The following MACROD2 variants were observed in gnomAD, a reference collection of about 807,000 sequenced individuals.
MACROD2 encodes ADP-ribose glycohydrolase MACROD2.
MACROD2 carries 36 observed loss-of-function variants against 70.4 expected under a neutral mutation model. The observed-to-expected ratio is 0.51, with a 90% CI of 0.39 to 0.68. MACROD2 has a LOEUF of 0.68. Among genes scored for constraint, MACROD2 ranks in the 30% least tolerant of loss-of-function variants. The pLI is 0.00. For missense variants in MACROD2, 496 were observed against 538.4 expected (o/e 0.92, Z 0.78); for synonymous variants, 172 against 178.8 (o/e 0.96, Z 0.30).
intron 7 of MACROD2, among the ~76,000 whole-genome samples, chr20:15,470,341 G>A (rs1186363713): frequency 1.2e-4 from 18 of 152,116 alleles, no homozygotes; most frequent in Admixed American, 1.1e-3. Context: ...GAGCCACTGC[G>A]CCCAGCCCTT....
At chr20:14,008,603 A>G (rs567423128) in intron 2 of MACROD2, among the ~76,000 whole-genome samples, 1 of 152,340 alleles carries the variant, frequency 6.6e-6, no homozygotes, top group African/African-American at 2.4e-5. Context: ...TTCTTCACAG[A>G]ATTAGAAAAA....
intron 8 of MACROD2, among the ~76,000 whole-genome samples, chr20:15,714,811 A>G (rs1422849654): frequency 6.6e-6 from 1 of 152,220 alleles, no homozygotes; most frequent in Non-Finnish European, 1.5e-5. Flanking sequence ...ATAAATATGC[A>G]TATATAAACA....
At chr20:15,478,635 C>G (rs1008882942) in intron 7 of MACROD2, among the ~76,000 whole-genome samples, 1 of 152,050 alleles carries the variant, frequency 6.6e-6, no homozygotes. Context: ...TTGACCAGAG[C>G]CCCAAGCACA....
chr20:15,868,102 A>C (rs2064519529), intron 9 of MACROD2, among the ~76,000 whole-genome samples: 3 of 152,218 alleles, frequency 2.0e-5, no homozygotes, highest in Admixed American at 1.3e-4. Context: ...GAGAGGCTCC[A>C]TCTGCTGGTA....
intron 2 of MACROD2, among the ~76,000 whole-genome samples, chr20:14,033,492 T>C (rs1206221566): frequency 6.6e-6 from 1 of 152,170 alleles, no homozygotes; most frequent in African/African-American, 2.4e-5. Flanking sequence ...AGAATATTCA[T>C]AGCATTCTAT....
Position 15,609,243 on chromosome 20 carries a change from C to T in MACROD2, c.645+109396C>T, listed in dbSNP as rs535811645. Among the ~76,000 whole-genome samples the T allele has an allele frequency of 4.6e-5, 7 of 152,194 alleles. No individual in the cohort carries two copies. The South Asian group carries it at 1.5e-3, about 32-fold the overall frequency. ...ACAGAGGGAAGGAAAGAGAGAAAGT[C>T]GATAGGGAAGGTGAGAGAAGGAAGA... is the stretch of plus-strand genomic sequence containing the variant. On this transcript the variant is annotated intron_variant, in intron 8 of 17. Coordinates refer to ENST00000684519, the MANE Select transcript of MACROD2 (RefSeq NM_001351661.2).
At chr20:15,478,286 A>G (rs2047048930) in intron 7 of MACROD2, among the ~76,000 whole-genome samples, 1 of 152,180 alleles carries the variant, frequency 6.6e-6, no homozygotes, top group African/African-American at 2.4e-5. Flanking sequence ...CACTTACTGG[A>G]TAAGGATTAT....
At chr20:16,017,317 C>T (rs968223763) in intron 15 of MACROD2, among the ~76,000 whole-genome samples, 1 of 152,196 alleles carries the variant, frequency 6.6e-6, no homozygotes, top group African/African-American at 2.4e-5. Flanking sequence ...ATATTTTCTG[C>T]TTTGTGGCTT....
chr20:15,423,545 T>C (rs1315487581), intron 6 of MACROD2, among the ~76,000 whole-genome samples: 3 of 151,550 alleles, frequency 2.0e-5, no homozygotes, highest in Admixed American at 1.3e-4. Flanking sequence ...AAGGTCAAGG[T>C]GCCAGCAGGT....
At chr20:14,482,548 A>G (rs1008163080) in intron 3 of MACROD2, among the ~76,000 whole-genome samples, 11 of 151,954 alleles carry the variant, frequency 7.2e-5, no homozygotes, top group Admixed American at 6.5e-4. Context: ...ATTAGGGTGA[A>G]TGCAGAGCCA....
At chr20:14,518,524 T>C (rs2085128642) in intron 4 of MACROD2, among the ~76,000 whole-genome samples, 1 of 152,192 alleles carries the variant, frequency 6.6e-6, no homozygotes, top group Admixed American at 6.5e-5. Context: ...ATAAATAGTC[T>C]TTAAGATGAA....
chr20:14,520,507 G>C lies in MACROD2; in HGVS notation c.301+26999G>C, dbSNP rs528976184. The stretch of plus-strand genomic sequence containing the variant: ...TTTTGTTATTATTTTTTTTTTTTCT[G>C]TTTCTACAGCTTCTTTTCTGGCCTA... On this transcript the variant is annotated intron_variant, in intron 4 of 17. Coordinates refer to ENST00000684519, the MANE Select transcript of MACROD2 (RefSeq NM_001351661.2). 3.5e-4 allele frequency among the ~76,000 whole-genome samples: 48 copies of C among 137,156 alleles called. 1 individual carries two copies. The South Asian group carries it at 3.6e-3, about 10-fold the overall frequency. 90.0% of individuals were successfully genotyped at this position (137,156 alleles called of 152,430 possible). A position where few individuals can be genotyped will look rare whatever the true frequency, so the allele number is the denominator to read the frequency against.
chr20:15,192,173 TCTC>T (rs2076577034), intron 5 of MACROD2, among the ~76,000 whole-genome samples: 1 of 151,922 alleles, frequency 6.6e-6, no homozygotes, highest in Admixed American at 6.6e-5. Context: ...CCCTTTTCCG[TCTC>T]CTCTGTCTTC....
chr20:14,148,961 T>A (rs891746889), intron 3 of MACROD2, among the ~76,000 whole-genome samples: 26 of 152,122 alleles, frequency 1.7e-4, no homozygotes, highest in Admixed American at 7.9e-4. Flanking sequence ...CATAGCACAC[T>A]TTTCTGCTGT....
At chr20:15,747,830 G>T in intron 8 of MACROD2, among the ~76,000 whole-genome samples, 1 of 152,106 alleles carries the variant, frequency 6.6e-6, no homozygotes, top group East Asian at 1.9e-4. Context: ...TTCTAGTACA[G>T]TGTTGAAAAA....
chr20:15,248,816 C>CCTGT (rs1461937585), intron 6 of MACROD2, among the ~76,000 whole-genome samples: 1 of 152,130 alleles, frequency 6.6e-6, no homozygotes, highest in Non-Finnish European at 1.5e-5. Flanking sequence ...CTCTTGCAGT[C>CCTGT]CTGTAGACAC....
At chr20:15,494,045 A>G (rs1347546064) in intron 7 of MACROD2, among the ~76,000 whole-genome samples, 2 of 152,250 alleles carry the variant, frequency 1.3e-5, no homozygotes, top group African/African-American at 4.8e-5. Flanking sequence ...CTTTGCAGCG[A>G]GAAGACAGGC....
At chr20:14,046,887 A>T (rs548659882) in intron 2 of MACROD2, among the ~76,000 whole-genome samples, 1 of 152,228 alleles carries the variant, frequency 6.6e-6, no homozygotes, top group East Asian at 1.9e-4. Flanking sequence ...TGTGTGTGAG[A>T]GTGAAAAACT....
intron 4 of MACROD2, among the ~76,000 whole-genome samples, chr20:14,654,742 A>G (rs1371992247): frequency 6.6e-6 from 1 of 152,186 alleles, no homozygotes; most frequent in East Asian, 1.9e-4. Context: ...TAGGTAAGAA[A>G]GATTCTATTA....
Sources: allele counts gnomAD v4.1 joint callset (sites outside exome capture counted in the v4.1 genomes callset), GRCh38; gene constraint gnomAD v4.1.1; transcripts MANE v1.5; gene names NCBI Gene and HGNC (gene_info 2026-07-23, HGNC 2026-07-21).